Variants in KDM5A observed in about 807,000 individuals in gnomAD.
The protein encoded by KDM5A is lysine demethylase 5A.
In KDM5A, 42 loss-of-function variants were observed where a neutral mutation model predicts 193.5. That is an observed-to-expected ratio of 0.22 (90% CI 0.17 to 0.28). The LOEUF (loss-of-function observed/expected upper bound fraction) is 0.28. Among genes scored for constraint, KDM5A ranks in the 10% least tolerant of loss-of-function variants. The probability of loss-of-function intolerance (pLI) is 1.00; values close to 1 mark genes in which losing one functional copy is unlikely to be tolerated. For synonymous variants in KDM5A, 796 were observed against 718.1 expected, an observed-to-expected ratio of 1.11 and a Z score of -1.73; for missense variants, 1,692 against 2,055.1, an observed-to-expected ratio of 0.82 and a Z score of 3.42.
At chr12:295,310 G>A (rs542549062) in intron 26 of KDM5A, among the ~76,000 whole-genome samples, 25 of 141,788 alleles carry the variant, frequency 1.8e-4, no homozygotes, top group African/African-American at 6.3e-4. Flanking sequence ...AGAAAGGAAA[G>A]GAGAAAAGAA....
At position 282,645 on chromosome 12, in the gene KDM5A, A is replaced by G. The variant is rs1478024116; in HGVS notation, c.*2811T>C. ...CTTTTAAGAATACCACAGGCCTACC[A>G]TATTTCCATTTTTCTTTCTATAACC... On this transcript the variant is annotated 3_prime_UTR_variant, in exon 28 of 28. Coordinates refer to ENST00000399788, the MANE Select transcript of KDM5A (RefSeq NM_001042603.3). 2 of 232,996 alleles carry G rather than the reference A, an allele frequency of 8.6e-6. No individual in the cohort carries two copies. Among genetic ancestry groups the G allele is most frequent in the African/African-American group, 2.2e-5 (1 of 45,346 alleles). 14.4% of individuals were successfully genotyped at this position (232,996 alleles called of 1,614,324 possible).
At chr12:388,468 T>C in intron 1 of KDM5A, 1 of 380,918 alleles carries the variant, frequency 2.6e-6, no homozygotes, top group Non-Finnish European at 5.2e-6. Flanking sequence ...TCTTGTCTAG[T>C]AATACCATCC....
At position 384,175 on chromosome 12, in the gene KDM5A, A is replaced by G. The variant is rs377245452; in HGVS notation, c.244-22T>C. On this transcript the variant is annotated intron_variant, in intron 2 of 27. Coordinates refer to ENST00000399788, the MANE Select transcript of KDM5A (RefSeq NM_001042603.3). ...TTGCCTAAGATTATTAAAATACAGA[A>G]GAACTAAGTTATGATTGAAATGAAT... The G allele has an allele frequency of 3.9e-6, 6 of 1,552,084 alleles. No individual in the cohort carries two copies. In the South Asian group the frequency reaches 4.5e-5, roughly 12 times the overall value.
intron 9 of KDM5A, 101 bp downstream of exon 9, chr12:352,104 A>C (rs1944167585): frequency 1.2e-4 from 1 of 8,516 alleles, no homozygotes; most frequent in Non-Finnish European, 2.2e-4. Context: ...ACTCCGTCTC[A>C]AAAAAAAAAA....
At chr12:379,015 T>G (rs1944542907) in intron 3 of KDM5A, among the ~76,000 whole-genome samples, 1 of 151,612 alleles carries the variant, frequency 6.6e-6, no homozygotes, top group Non-Finnish European at 1.5e-5. Flanking sequence ...TTACAGGCAT[T>G]CCAAGTAATA....
chr12:347,568 T>G (rs962813694), intron 10 of KDM5A, among the ~76,000 whole-genome samples: 4 of 152,064 alleles, frequency 2.6e-5, no homozygotes, highest in African/African-American at 9.7e-5. Context: ...AACAGAGACA[T>G]AGACCAATGG....
intron 20 of KDM5A, among the ~76,000 whole-genome samples, chr12:312,032 TC>T (rs1447487129): frequency 6.6e-6 from 1 of 151,790 alleles, no homozygotes; most frequent in Non-Finnish European, 1.5e-5. Flanking sequence ...AGACTCTGTC[TC>T]AAAAAAAAAG....
Position 323,686 on chromosome 12 carries a change from G to A in KDM5A, c.2064C>T (p.Leu688=), listed in dbSNP as rs2137411869. Residue 688 remains leucine, a synonymous_variant, in exon 15 of 28, where the codon CTC becomes CTT. Transcript: ENST00000399788. ...GCCGCTCAGGATTACAGGAACATGT[G>A]AGAGCAGAGAGAAAACATGTGGTTC... ...ACRTTCFLSA[L]TCSCNPERLV... 1 of 1,614,012 alleles carries A rather than the reference G, an allele frequency of 6.2e-7. No homozygotes were observed. Among genetic ancestry groups the A allele is most frequent in the Non-Finnish European group, 8.5e-7 (1 of 1,179,854 alleles).
intron 1 of KDM5A, 25 bp from the exon 2 acceptor site, chr12:385,999 A>G (rs1022142953): frequency 6.4e-7 from 1 of 1,570,960 alleles, no homozygotes; most frequent in African/African-American, 1.4e-5. Context: ...TTTTTTAAAA[A>G]AACACAGTGG....
chr12:297,176 T>C lies in KDM5A; in HGVS notation c.4099A>G (p.Ser1367Gly), dbSNP rs1943384755. 2 of 1,614,060 alleles carry C rather than the reference T, an allele frequency of 1.2e-6. No individual in the cohort carries two copies. Among genetic ancestry groups the C allele is most frequent in the East Asian group, 4.5e-5 (2 of 44,844 alleles). Residue 1367 changes from serine to glycine, a missense_variant, in exon 25 of 28, where the codon AGT becomes GGT. Around this residue, in one of 11 missense-constraint regions of KDM5A, gnomAD observed 965 missense variants for 1,061.0 expected, o/e 0.91. Transcript: ENST00000399788. ...CAAAAAAGATTGGGTTCAAGACTACTAGAGGACTTCACACTGGCTGTGTCC... is the reference window on the plus strand; with the variant it reads ...CAAAAAAGATTGGGTTCAAGACTACCAGAGGACTTCACACTGGCTGTGTCC... The part of the protein sequence containing the change: ...MKDTASVKSS[S>G]SLEPNLFCDE...
chr12:297,755 G>A (rs1038032440), intron 24 of KDM5A, among the ~76,000 whole-genome samples: 2 of 152,150 alleles, frequency 1.3e-5, no homozygotes, highest in South Asian at 2.1e-4. Flanking sequence ...GAATACAAGC[G>A]TTGAAAAAAA....
intron 5 of KDM5A, 71 bp downstream of exon 5, chr12:362,892 A>T: frequency 6.9e-7 from 1 of 1,457,218 alleles, no homozygotes; most frequent in Non-Finnish European, 9.6e-7. Context: ...AAGGAGTTCA[A>T]GGCTAGCCTG....
At chr12:320,316 C>A (rs941502651) in intron 18 of KDM5A, among the ~76,000 whole-genome samples, 1 of 151,994 alleles carries the variant, frequency 6.6e-6, no homozygotes, top group Non-Finnish European at 1.5e-5. Flanking sequence ...GCTAACATGG[C>A]GAAAACCCAC....
rs952753997 is a variant in KDM5A, at chr12:281,495, C to A, written c.*3961G>T. The A allele has an allele frequency of 4.3e-6, 1 of 232,904 alleles. No individual in the cohort carries two copies. The highest frequency in any genetic ancestry group is 8.5e-6 in the Non-Finnish European group (1 of 118,000). The allele number at this position is 232,904 out of a possible 1,614,324, so 14.4% of individuals were successfully genotyped here. On this transcript the variant is annotated 3_prime_UTR_variant, in exon 28 of 28. Transcript: ENST00000399788. ...CTTCCTCATACTACAGTAGGAGATA[C>A]CACTTGGGACATTCATATCCAAAGA...
chr12:369,095 C>A (rs1007592744), intron 3 of KDM5A, among the ~76,000 whole-genome samples: 7 of 152,234 alleles, frequency 4.6e-5, no homozygotes, highest in Admixed American at 2.6e-4. Flanking sequence ...AACACAAATT[C>A]ATATGCACAA....
chr12:291,337 T>C (rs906084808), intron 27 of KDM5A, among the ~76,000 whole-genome samples: 7 of 152,206 alleles, frequency 4.6e-5, no homozygotes, highest in Admixed American at 4.6e-4. Context: ...CATTTAAATA[T>C]GTGTCATTTA....
At chr12:377,147 C>T (rs191441129) in intron 3 of KDM5A, among the ~76,000 whole-genome samples, 2 of 152,078 alleles carry the variant, frequency 1.3e-5, no homozygotes, top group Non-Finnish European at 2.9e-5. Context: ...CTCTTCCAGG[C>T]AACTATCCCT....
chr12:311,571 T>G (rs1318383927), intron 20 of KDM5A, among the ~76,000 whole-genome samples: 1 of 152,122 alleles, frequency 6.6e-6, no homozygotes, highest in African/African-American at 2.4e-5. Flanking sequence ...AAACAGCCAA[T>G]TAAAGATTCT....
At chr12:311,243 AT>A in intron 20 of KDM5A, 179 bp from the exon 21 acceptor site, 2 of 637,758 alleles carry the variant, frequency 3.1e-6, no homozygotes, top group Non-Finnish European at 2.7e-6. Flanking sequence ...GTTTGTGTAA[AT>A]TATTTTTTTA....
Sources: gnomAD v4.1 joint callset for allele counts (sites outside exome capture counted in the v4.1 genomes callset) on GRCh38, gnomAD v4.1.1 for gene constraint, gnomAD v4.1.1 regional missense constraint, MANE v1.5 for transcripts, NCBI Gene and HGNC (gene_info 2026-07-23, HGNC 2026-07-21) for gene names.